The following MED12L variants were observed in gnomAD, a reference collection of about 807,000 sequenced individuals.
The protein encoded by MED12L is mediator of RNA polymerase II transcription subunit 12-like protein.
In MED12L, 60 loss-of-function variants were observed where a neutral mutation model predicts 281.3. The observed-to-expected ratio is 0.21, with a 90% CI of 0.17 to 0.26. The LOEUF is 0.26. MED12L is among the 10% of genes least tolerant of loss of function. MED12L has a pLI of 1.00. For synonymous variants in MED12L, 974 were observed against 987.2 expected (o/e 0.99, Z 0.25); for missense variants, 2,146 against 2,680.9 (o/e 0.80, Z 4.41).
chr3:151,127,789 T>A (rs1178660286), intron 4 of MED12L, 36 bp from the exon 5 acceptor site: 8 of 1,479,798 alleles, frequency 5.4e-6, no homozygotes, highest in Non-Finnish European at 7.5e-6. Flanking sequence ...ACACAGTACG[T>A]GATTATTATA....
intron 16 of MED12L, among the ~76,000 whole-genome samples, chr3:151,196,264 C>A (rs1419430217): frequency 6.6e-6 from 1 of 152,142 alleles, no homozygotes; most frequent in African/African-American, 2.4e-5. Flanking sequence ...AATAGCCTTC[C>A]ACCACTGGTT....
intron 16 of MED12L, among the ~76,000 whole-genome samples, chr3:151,335,185 A>G (rs552829833): frequency 6.6e-6 from 1 of 152,256 alleles, no homozygotes; most frequent in East Asian, 1.9e-4. Context: ...ATTTTTAACT[A>G]TAGTCACCCT....
chr3:151,272,110 G>T (rs1425703374), intron 16 of MED12L, among the ~76,000 whole-genome samples: 1 of 152,210 alleles, frequency 6.6e-6, no homozygotes, highest in Admixed American at 6.5e-5. Flanking sequence ...GGTATAGGGT[G>T]CTTGAAAGAG....
At chr3:151,342,852 T>C (rs1003706155) in intron 16 of MED12L, among the ~76,000 whole-genome samples, 2 of 152,204 alleles carry the variant, frequency 1.3e-5, no homozygotes, top group African/African-American at 4.8e-5. Context: ...TAATTGTCAA[T>C]ATTTAATTTC....
intron 16 of MED12L, chr3:151,338,649 G>A (rs1189391792): frequency 6.2e-7 from 1 of 1,613,684 alleles, no homozygotes; most frequent in Non-Finnish European, 8.5e-7. Flanking sequence ...AGAAATGACT[G>A]TGTTCTTAAG....
chr3:151,094,336 A>G (rs1303156388), intron 2 of MED12L, among the ~76,000 whole-genome samples: 1 of 152,204 alleles, frequency 6.6e-6, no homozygotes. Context: ...AAGAATGAAC[A>G]TGATGAAAGA....
intron 16 of MED12L, chr3:151,328,826 G>T (rs1577344194): frequency 6.2e-7 from 1 of 1,613,828 alleles, no homozygotes; most frequent in Admixed American, 1.7e-5. Flanking sequence ...GATGATGAAG[G>T]TGGAGGAGCT....
At chr3:151,358,267 G>A (rs1395731380) in intron 20 of MED12L, among the ~76,000 whole-genome samples, 2 of 152,016 alleles carry the variant, frequency 1.3e-5, no homozygotes, top group Non-Finnish European at 2.9e-5. Flanking sequence ...ACATCAGAAT[G>A]TAAGAATATT....
chr3:151,338,443 G>T, intron 16 of MED12L: 1 of 1,613,974 alleles, frequency 6.2e-7, no homozygotes, highest in Non-Finnish European at 8.5e-7. Flanking sequence ...AGATTTTTGG[G>T]GTTGGATGTT....
intron 13 of MED12L, among the ~76,000 whole-genome samples, chr3:151,189,111 G>A (rs1723636165): frequency 6.6e-6 from 1 of 152,124 alleles, no homozygotes; most frequent in Non-Finnish European, 1.5e-5. Context: ...GGATCTTAAG[G>A]TAACAGAAAA....
At position 151,365,019 on chromosome 3, in the gene MED12L, G is replaced by T. The variant is rs1755102529; in HGVS notation, c.2998G>T (p.Val1000Leu). Residue 1000 changes from valine to leucine, a missense_variant, in exon 22 of 45, where the codon GTG (valine) becomes TTG (leucine). By Grantham distance (32) the Val-to-Leu change is conservative. Coordinates refer to ENST00000687756, the MANE Select transcript of MED12L (RefSeq NM_001393769.1). ...AGTAAAGCAAACCATATATAATAACGTGATGCCTGCAAATTCGAACTTGCG... is the reference window on the plus strand; with the variant it reads ...AGTAAAGCAAACCATATATAATAACTTGATGCCTGCAAATTCGAACTTGCG... ...SKVKQTIYNN[V>L]MPANSNLRWD... The T allele has an allele frequency of 6.2e-7, 1 of 1,613,892 alleles. No individual in the cohort carries two copies. The highest frequency in any genetic ancestry group is 1.3e-5 in the African/African-American group (1 of 74,992).
chr3:151,248,001 T>A (rs1222234990), intron 16 of MED12L, among the ~76,000 whole-genome samples: 1 of 137,792 alleles, frequency 7.3e-6, no homozygotes, highest in Non-Finnish European at 1.5e-5. Flanking sequence ...AGAAATAATC[T>A]GGAGTAGATT....
At chr3:151,303,628 T>C (rs779855904) in intron 16 of MED12L, among the ~76,000 whole-genome samples, 5 of 152,138 alleles carry the variant, frequency 3.3e-5, no homozygotes, top group Non-Finnish European at 7.4e-5. Context: ...CCAGATGATG[T>C]TGCGTGCACC....
intron 16 of MED12L, chr3:151,338,249 C>A (rs535856604): frequency 6.2e-7 from 1 of 1,613,784 alleles, no homozygotes; most frequent in Non-Finnish European, 8.5e-7. Flanking sequence ...AGAAATTAAT[C>A]CAGAAAATGA....
At chr3:151,111,299 T>C (rs949063364) in intron 2 of MED12L, among the ~76,000 whole-genome samples, 9 of 152,262 alleles carry the variant, frequency 5.9e-5, no homozygotes, top group Non-Finnish European at 1.2e-4. Flanking sequence ...GTTGGGAGCA[T>C]AGACTTTTTG....
chr3:151,268,213 A>C (rs968169023), intron 16 of MED12L, among the ~76,000 whole-genome samples: 1 of 151,982 alleles, frequency 6.6e-6, no homozygotes, highest in Non-Finnish European at 1.5e-5. Flanking sequence ...TAGGGTATAG[A>C]AAATGTCTCT....
rs1714725308 is a variant in MED12L at position 151,394,675 on chromosome 3, T to C, written c.5628T>C (p.Pro1876=). 6.2e-7 allele frequency: 1 copy of C among 1,614,276 alleles called. No homozygotes were observed. Among genetic ancestry groups the C allele is most frequent in the South Asian group, 1.1e-5 (1 of 91,088 alleles). Residue 1876 remains proline (P), a synonymous_variant, in exon 39 of 45, where the codon CCT becomes CCC. Coordinates refer to ENST00000687756, the MANE Select transcript of MED12L (RefSeq NM_001393769.1). ...SLTPGGSRLD[P]AGSFVPTNTK... ...TTGTAGGTGGCTCCAGATTGGACCC[T>C]GCAGGCTCCTTTGTCCCAACCAACA...
At chr3:151,407,669 G>A (rs1293732307) in intron 39 of MED12L, among the ~76,000 whole-genome samples, 1 of 152,326 alleles carries the variant, frequency 6.6e-6, no homozygotes, top group East Asian at 1.9e-4. Flanking sequence ...TCTAACCCAA[G>A]CAAATGGAGA....
intron 16 of MED12L, chr3:151,329,692 T>C (rs185916140): frequency 2.3e-4 from 111 of 488,790 alleles, no homozygotes; most frequent in African/African-American, 2.1e-3. Flanking sequence ...TTCATACTGT[T>C]AATCTGTGAC....
Sources: allele counts gnomAD v4.1 joint callset (sites outside exome capture counted in the v4.1 genomes callset), GRCh38; gene constraint gnomAD v4.1.1; transcripts MANE v1.5; gene names NCBI Gene and HGNC (gene_info 2026-07-23, HGNC 2026-07-21).